Variants in PCDHGB2 observed in about 807,000 individuals in gnomAD.
The protein encoded by PCDHGB2 is protocadherin gamma-B2.
A neutral mutation model predicts 59.3 loss-of-function variants in PCDHGB2; 55 were observed. The observed-to-expected ratio is 0.93, with a 90% CI of 0.75 to 1.16. The LOEUF (loss-of-function observed/expected upper bound fraction) is 1.16. PCDHGB2 is among the 50% of genes most tolerant of loss of function. The probability of loss-of-function intolerance (pLI) is 0.00; values close to 1 mark genes in which losing one functional copy is unlikely to be tolerated. For synonymous variants in PCDHGB2, 516 were observed against 512.0 expected (o/e 1.01, Z -0.11); for missense variants, 1,228 against 1,198.5 (o/e 1.02, Z -0.36).
chr5:141,394,868 C>G lies in PCDHGB2; in HGVS notation c.2421+32312C>G, dbSNP rs1159006718. On this transcript the variant is annotated intron_variant, in intron 1 of 3. Coordinates refer to ENST00000522605, the MANE Select transcript of PCDHGB2 (RefSeq NM_018923.3). ...GTCTGAAGCCTTCGGTCGACCCGAA[C>G]GATTCGAGCCTTACACTCTATCTCG... The G allele has an allele frequency of 1.7e-5, 27 of 1,613,710 alleles. No homozygotes were observed. In the African/African-American group the frequency reaches 1.7e-4, roughly 10 times the overall value.
intron 2 of PCDHGB2, among the ~76,000 whole-genome samples, chr5:141,504,713 G>A (rs1443171981): frequency 1.3e-5 from 2 of 151,850 alleles, no homozygotes; most frequent in African/African-American, 2.4e-5. Context: ...TATGGCCGTG[G>A]ATTTTACTCT....
chr5:141,498,880 C>G (rs1334510457), intron 2 of PCDHGB2, among the ~76,000 whole-genome samples: 1 of 150,028 alleles, frequency 6.7e-6, no homozygotes, highest in African/African-American at 2.4e-5. Flanking sequence ...TTGCAGTGAG[C>G]TGAGATCACA....
chr5:141,474,566 G>A (rs2154572064), intron 1 of PCDHGB2, among the ~76,000 whole-genome samples: 1 of 152,336 alleles, frequency 6.6e-6, no homozygotes, highest in Non-Finnish European at 1.5e-5. Flanking sequence ...GGTTTTCAGA[G>A]ATTAATTGAA....
intron 1 of PCDHGB2, chr5:141,376,564 A>T: frequency 1.2e-6 from 2 of 1,607,478 alleles, no homozygotes; most frequent in East Asian, 4.5e-5. Flanking sequence ...CAACCCAACT[A>T]ATCAGACAGG....
intron 1 of PCDHGB2, chr5:141,372,748 C>A: frequency 1.1e-5 from 17 of 1,613,132 alleles, no homozygotes; most frequent in Non-Finnish European, 1.4e-5. Flanking sequence ...TGTGATGAAG[C>A]CTCTTGGTTT....
At position 141,362,450 on chromosome 5, in the gene PCDHGB2, CG is replaced by C. The variant is rs749881682; in HGVS notation, c.2317del (p.Glu773AsnfsTer34). 9 of 1,614,050 alleles carry C rather than the reference CG, an allele frequency of 5.6e-6. No homozygotes were observed. The African/African-American group carries it at 1.2e-4, about 22-fold the overall frequency. ...KTEFNFLNIT[P>X]ELVPAQDLVC... ...GAGTTCAATTTTCTGAACATAACCC[CG>C]GAATTGGTTCCCGCGCAAGATCTCG... On this transcript the variant is annotated frameshift_variant, in exon 1 of 4. Coordinates refer to ENST00000522605, the MANE Select transcript of PCDHGB2 (RefSeq NM_018923.3). LOFTEE classifies it high-confidence loss of function.
At position 141,408,036 on chromosome 5, in the gene PCDHGB2, A is replaced by G. The variant is rs941133513; in HGVS notation, c.2421+45480A>G. On this transcript the variant is annotated intron_variant, in intron 1 of 3. Coordinates refer to ENST00000522605, the MANE Select transcript of PCDHGB2 (RefSeq NM_018923.3). ...AGCCAACAACAGAAAGAAGAAAACC[A>G]GCTCCCACACAGAGCCTCCCGGCTG... 7.9e-6 allele frequency: 9 copies of G among 1,132,718 alleles called. No individual in the cohort carries two copies. In the African/African-American group the frequency reaches 1.4e-4, roughly 18 times the overall value. The allele number at this position is 1,132,718 out of a possible 1,614,324, so 70.2% of individuals were successfully genotyped here. A position where few individuals can be genotyped will look rare whatever the true frequency, so the allele number is the denominator to read the frequency against.
chr5:141,486,654 T>C lies in PCDHGB2; in HGVS notation c.2422-8153T>C. ...TTGAATGCGCTTATCTCCTACTCAC[T>C]CCTGGAGCCCAGGAATCGAGATGTA... is the stretch of plus-strand genomic sequence containing the variant. On this transcript the variant is annotated intron_variant, in intron 1 of 3. Coordinates refer to ENST00000522605, the MANE Select transcript of PCDHGB2 (RefSeq NM_018923.3). The surrounding 1 kb of genome is among the most constrained non-coding windows in gnomAD (Gnocchi z 5.0). The C allele has an allele frequency of 2.5e-6, 4 of 1,613,922 alleles. No individual in the cohort carries two copies. Among genetic ancestry groups the C allele is most frequent in the Non-Finnish European group, 3.4e-6 (4 of 1,180,026 alleles).
intron 2 of PCDHGB2, among the ~76,000 whole-genome samples, chr5:141,501,109 C>G (rs909874167): frequency 2.0e-5 from 3 of 152,106 alleles, no homozygotes; most frequent in Non-Finnish European, 4.4e-5. Context: ...CCTCGTGATC[C>G]GCCTGCCTCA....
chr5:141,370,217 G>A, intron 1 of PCDHGB2: 2 of 562,852 alleles, frequency 3.6e-6, no homozygotes, highest in East Asian at 5.9e-5. Context: ...GGCTCCTCCC[G>A]CTGCAGCCAG....
At chr5:141,492,168 A>C (rs1426223836) in intron 1 of PCDHGB2, among the ~76,000 whole-genome samples, 1 of 152,108 alleles carries the variant, frequency 6.6e-6, no homozygotes, top group African/African-American at 2.4e-5. Context: ...CTATCCCCGC[A>C]TCACCCAACC....
In PCDHGB2 at chr5:141,441,804, C is replaced by CAT. The variant is rs1189673284; in HGVS notation, c.2422-53003_2422-53002insAT. The CAT allele has an allele frequency of 6.5e-4, 249 of 382,482 alleles. 2 individuals are homozygous for CAT. Among genetic ancestry groups the CAT allele is most frequent in the African/African-American group, 4.8e-3 (221 of 45,888 alleles). 23.7% of individuals were successfully genotyped at this position (382,482 alleles called of 1,614,324 possible). The stretch of plus-strand genomic sequence containing the variant: ...CCTGAATGACAACGCACCGCGGGTG[C>CAT]TGTACCCCAGCTCTGGAGCGCAATG... On this transcript the variant is annotated intron_variant, in intron 1 of 3. Transcript: ENST00000522605.
intron 1 of PCDHGB2, chr5:141,409,493 CCT>C (rs1312265786): frequency 6.2e-6 from 10 of 1,614,012 alleles, no homozygotes; most frequent in Non-Finnish European, 7.6e-6. Context: ...GGGCAAGCCG[CCT>C]CTTTCTTCCA....
Position 141,476,908 on chromosome 5 carries a change from A to T in PCDHGB2, c.2422-17899A>T. ...ATGCACCCTCCGGCACGCGCGTGGT[A>T]CAAGTCCTTGCAACGGATCTGGATG... is the stretch of plus-strand genomic sequence containing the variant. On this transcript the variant is annotated intron_variant, in intron 1 of 3. Coordinates refer to ENST00000522605, the MANE Select transcript of PCDHGB2 (RefSeq NM_018923.3). This position sits in a 1 kb window ranked among gnomAD's most constrained non-coding sequence, Gnocchi z 7.6. The T allele has an allele frequency of 1.2e-6, 2 of 1,614,050 alleles. No individual in the cohort carries two copies. The highest frequency in any genetic ancestry group is 1.7e-6 in the Non-Finnish European group (2 of 1,180,038).
intron 1 of PCDHGB2, among the ~76,000 whole-genome samples, chr5:141,451,724 A>G (rs2098722682): frequency 6.6e-6 from 1 of 152,170 alleles, no homozygotes; most frequent in Non-Finnish European, 1.5e-5. Context: ...TCTACTAAAA[A>G]TACAAAAATT....
chr5:141,464,048 T>C (rs377735829), intron 1 of PCDHGB2, among the ~76,000 whole-genome samples: 1 of 152,260 alleles, frequency 6.6e-6, no homozygotes, highest in South Asian at 2.1e-4. Context: ...GTGGATCACC[T>C]GAGGTCAGGA....
At chr5:141,364,703 G>C (rs1281129906) in intron 1 of PCDHGB2, 1 of 1,613,930 alleles carries the variant, frequency 6.2e-7, no homozygotes, top group East Asian at 2.2e-5. Context: ...AGAAATAATC[G>C]ATATTAATGA....
At chr5:141,372,403 A>G in intron 1 of PCDHGB2, 1 of 1,614,028 alleles carries the variant, frequency 6.2e-7, no homozygotes, top group Non-Finnish European at 8.5e-7. Flanking sequence ...AGCTTGCAAG[A>G]GATACAACCT....
chr5:141,396,570 C>T (rs996384369), intron 1 of PCDHGB2: 5 of 150,662 alleles, frequency 3.3e-5, no homozygotes, highest in African/African-American at 1.2e-4. Flanking sequence ...CAGTGAGCCT[C>T]GATCCTGTCA....
Sources: gnomAD v4.1 joint callset for allele counts (sites outside exome capture counted in the v4.1 genomes callset) on GRCh38, gnomAD v4.1.1 for gene constraint, Gnocchi (gnomAD v3.1) non-coding constraint, MANE v1.5 for transcripts, NCBI Gene and HGNC (gene_info 2026-07-23, HGNC 2026-07-21) for gene names.